The following NRCAM variants were observed in gnomAD, a reference collection of about 807,000 sequenced individuals.
NRCAM encodes the protein NgCAM-related cell adhesion molecule.
A neutral mutation model predicts 156.5 loss-of-function variants in NRCAM; 83 were observed. The observed-to-expected ratio is 0.53, with a 90% confidence interval of 0.44 to 0.64. The LOEUF is 0.64. Among genes scored for constraint, NRCAM ranks in the 30% least tolerant of loss-of-function variants. NRCAM has a pLI of 0.00. For synonymous variants in NRCAM, 538 were observed against 563.9 expected (o/e 0.95, Z 0.65); for missense variants, 1,417 against 1,597.3 (o/e 0.89, Z 1.92).
chr7:108,360,047 ATATGAT>A (rs2099538428), intron 2 of NRCAM, among the ~76,000 whole-genome samples: 1 of 152,204 alleles, frequency 6.6e-6, no homozygotes, highest in Admixed American at 6.5e-5. Context: ...AGGAAAAATA[ATATGAT>A]TATAACTGTA....
intron 8 of NRCAM, 84 bp downstream of exon 8, chr7:108,230,947 G>T: frequency 1.9e-6 from 2 of 1,061,980 alleles, no homozygotes; most frequent in South Asian, 3.0e-5. Flanking sequence ...AACATTTTAT[G>T]AATCATAAGA....
At chr7:108,287,867 A>G (rs1408480031) in intron 3 of NRCAM, among the ~76,000 whole-genome samples, 2 of 152,100 alleles carry the variant, frequency 1.3e-5, no homozygotes, top group East Asian at 3.8e-4. Context: ...CCATTACTAG[A>G]TATCTACCCA....
chr7:108,418,705 T>C (rs1446842691), intron 1 of NRCAM, among the ~76,000 whole-genome samples: 1 of 152,184 alleles, frequency 6.6e-6, no homozygotes, highest in African/African-American at 2.4e-5. Context: ...ATTTTCAAGT[T>C]ATAATGAAGG....
chr7:108,356,408 G>A (rs1368756321), intron 2 of NRCAM, among the ~76,000 whole-genome samples: 2 of 152,034 alleles, frequency 1.3e-5, no homozygotes, highest in East Asian at 1.9e-4. Flanking sequence ...TGTATATAGG[G>A]TTCAGTACTA....
chr7:108,239,743 T>C (rs548355524), intron 4 of NRCAM, among the ~76,000 whole-genome samples: 1 of 152,258 alleles, frequency 6.6e-6, no homozygotes, highest in African/African-American at 2.4e-5. Context: ...AGAAGGAGAA[T>C]GACAGGGAGG....
chr7:108,291,607 G>A (rs183346575), intron 3 of NRCAM, among the ~76,000 whole-genome samples: 161 of 152,178 alleles, frequency 1.1e-3, no homozygotes, highest in African/African-American at 3.7e-3. Flanking sequence ...GCATCTAAAT[G>A]AAGACAGTGA....
At chr7:108,322,609 A>C (rs1244737971) in intron 2 of NRCAM, among the ~76,000 whole-genome samples, 3 of 152,250 alleles carry the variant, frequency 2.0e-5, no homozygotes, top group Non-Finnish European at 2.9e-5. Flanking sequence ...GAGGACTCCC[A>C]ATCACACCTA....
intron 27 of NRCAM, 145 bp from the exon 28 acceptor site, chr7:108,175,502 GAT>G: frequency 1.5e-6 from 1 of 674,610 alleles, no homozygotes; most frequent in Middle Eastern, 2.5e-4. Context: ...AGGGGACAAA[GAT>G]ATGTTGGTGT....
chr7:108,188,877 C>G (rs2069114080), intron 20 of NRCAM, among the ~76,000 whole-genome samples: 1 of 82,938 alleles, frequency 1.2e-5, no homozygotes, highest in African/African-American at 3.6e-5. Flanking sequence ...TCAGAATCAT[C>G]TTAGGTAGTC....
intron 2 of NRCAM, among the ~76,000 whole-genome samples, chr7:108,333,673 T>C (rs1013784331): frequency 1.3e-5 from 2 of 152,224 alleles, no homozygotes; most frequent in African/African-American, 4.8e-5. Flanking sequence ...GGTTAGAATC[T>C]GTTAAAAGAT....
rs1013130461 is a variant in NRCAM at position 108,255,239 on chromosome 7, G to A, written c.-106-15069C>T. 8.0e-5 allele frequency among the ~76,000 whole-genome samples: 11 copies of A among 138,174 alleles called. No individual in the cohort carries two copies. In the East Asian group the frequency reaches 9.5e-4, roughly 12 times the overall value. 90.6% of individuals were successfully genotyped at this position (138,174 alleles called of 152,430 possible). ...GGAGCAGAGGCTGGACTGTACTGCC[G>A]CCATCTCGGCTCACTGCAAACTCCC... is the stretch of plus-strand genomic sequence containing the variant. On this transcript the variant is annotated intron_variant, in intron 3 of 32. Transcript: ENST00000379028.
intron 32 of NRCAM, among the ~76,000 whole-genome samples, chr7:108,151,679 G>A (rs2041734090): frequency 2.0e-5 from 3 of 152,096 alleles, no homozygotes; most frequent in Admixed American, 2.0e-4. Context: ...ATCTTGGGGT[G>A]GTCTGTGTTT....
At chr7:108,218,709 C>A (rs757162977) in intron 11 of NRCAM, among the ~76,000 whole-genome samples, 1 of 152,100 alleles carries the variant, frequency 6.6e-6, no homozygotes, top group Non-Finnish European at 1.5e-5. Context: ...ACAGCAGAGG[C>A]GGTGCTAAGA....
At chr7:108,431,262 G>A (rs935069609) in intron 1 of NRCAM, among the ~76,000 whole-genome samples, 1 of 152,126 alleles carries the variant, frequency 6.6e-6, no homozygotes, top group Admixed American at 6.5e-5. Context: ...TCTTTGTCCA[G>A]TGCTTTTTCC....
chr7:108,268,922 C>A (rs916266644), intron 3 of NRCAM, among the ~76,000 whole-genome samples: 3 of 152,198 alleles, frequency 2.0e-5, no homozygotes, highest in African/African-American at 7.2e-5. Flanking sequence ...ATATTAACTT[C>A]TTTTAATCCT....
intron 11 of NRCAM, among the ~76,000 whole-genome samples, chr7:108,222,058 A>C (rs2092466690): frequency 6.6e-6 from 1 of 152,226 alleles, no homozygotes. Flanking sequence ...TTCTAGAATT[A>C]AAACATGCTG....
At chr7:108,446,224 T>C (rs1167874698) in intron 1 of NRCAM, among the ~76,000 whole-genome samples, 1 of 152,212 alleles carries the variant, frequency 6.6e-6, no homozygotes, top group African/African-American at 2.4e-5. Context: ...AATAGTACCC[T>C]TCTGGATTCA....
In NRCAM at chr7:108,445,598, C is replaced by T. The variant is rs944929172; in HGVS notation, c.-332+10645G>A. 6.6e-5 allele frequency among the ~76,000 whole-genome samples: 10 copies of T among 152,156 alleles called. No individual in the cohort carries two copies. In the South Asian group the frequency reaches 1.7e-3, roughly 25 times the overall value. ...CATCATTTGTTACAGTCACATACCC[C>T]TGTGATGTAGGGTTGGGTGGTGACA... On this transcript the variant is annotated intron_variant, in intron 1 of 32. Transcript: ENST00000379028.
rs575132848 is a variant in NRCAM, at chr7:108,257,381, G to T, written c.-106-17211C>A. Among the ~76,000 whole-genome samples the T allele has an allele frequency of 1.2e-4, 19 of 152,270 alleles. No individual in the cohort carries two copies. The South Asian group carries it at 3.7e-3, about 30-fold the overall frequency. On this transcript the variant is annotated intron_variant, in intron 3 of 32. Coordinates refer to ENST00000379028, the MANE Select transcript of NRCAM (RefSeq NM_001037132.4). ...AAAACTATAAATAAGAAAGTTAACTGGAACATCCTGTGCTTTCCAAATCAA... is the reference window on the plus strand; with the variant it reads ...AAAACTATAAATAAGAAAGTTAACTTGAACATCCTGTGCTTTCCAAATCAA...
Sources: allele counts gnomAD v4.1 joint callset (sites outside exome capture counted in the v4.1 genomes callset), GRCh38; gene constraint gnomAD v4.1.1; transcripts MANE v1.5; gene names NCBI Gene and HGNC (gene_info 2026-07-23, HGNC 2026-07-21).